THSD4: variants seen among roughly 807,000 people sequenced by gnomAD.
The protein encoded by THSD4 is thrombospondin type 1 domain containing 4.
A neutral mutation model predicts 119.0 loss-of-function variants in THSD4; 69 were observed. The ratio of observed to expected loss-of-function variants is 0.58; its 90% confidence interval spans 0.48 to 0.71. The LOEUF is 0.71. Ranked by LOEUF, THSD4 falls within the 30% of genes least tolerant of loss-of-function variation. THSD4 has a pLI of 0.00. For missense variants in THSD4, 1,393 were observed against 1,391.1 expected, an observed-to-expected ratio of 1.00 and a Z score of -0.02; for synonymous variants, 524 against 540.4, an observed-to-expected ratio of 0.97 and a Z score of 0.42.
At chr15:71,458,104 T>A (rs567212238) in intron 7 of THSD4, among the ~76,000 whole-genome samples, 4 of 152,364 alleles carry the variant, frequency 2.6e-5, no homozygotes, top group Non-Finnish European at 5.9e-5. Flanking sequence ...CATTGCATAT[T>A]TACATTTATA....
intron 2 of THSD4, among the ~76,000 whole-genome samples, chr15:71,152,731 A>C (rs2040736227): frequency 6.6e-6 from 1 of 152,116 alleles, no homozygotes; most frequent in Non-Finnish European, 1.5e-5. Context: ...CAGATGTCCA[A>C]GTTCCAGATT....
intron 4 of THSD4, among the ~76,000 whole-genome samples, chr15:71,228,707 G>A (rs1018794837): frequency 6.6e-6 from 1 of 152,162 alleles, no homozygotes; most frequent in African/African-American, 2.4e-5. Context: ...AGCCCAGCTT[G>A]TAACACTGAG....
At chr15:71,583,490 A>G (rs1402436736) in intron 7 of THSD4, among the ~76,000 whole-genome samples, 1 of 151,546 alleles carries the variant, frequency 6.6e-6, no homozygotes, top group Non-Finnish European at 1.5e-5. Flanking sequence ...GAGGAGCTAA[A>G]GTTTCTAAAG....
At chr15:71,484,885 G>A (rs912215489) in intron 7 of THSD4, among the ~76,000 whole-genome samples, 4 of 152,194 alleles carry the variant, frequency 2.6e-5, no homozygotes, top group Non-Finnish European at 5.9e-5. Flanking sequence ...AATAAAAAAT[G>A]CATTCTGGTT....
chr15:71,153,193 G>C (rs1231043862), intron 2 of THSD4, among the ~76,000 whole-genome samples: 1 of 152,164 alleles, frequency 6.6e-6, no homozygotes, highest in East Asian at 1.9e-4. Context: ...TTGGCTTGGG[G>C]GAGAGTTCCT....
At chr15:71,465,817 C>A (rs916560309) in intron 7 of THSD4, among the ~76,000 whole-genome samples, 1 of 152,142 alleles carries the variant, frequency 6.6e-6, no homozygotes, top group African/African-American at 2.4e-5. Flanking sequence ...CACTTTACAT[C>A]AGTTTTAAAG....
At chr15:71,244,781 T>C (rs1279740022) in intron 5 of THSD4, among the ~76,000 whole-genome samples, 1 of 152,250 alleles carries the variant, frequency 6.6e-6, no homozygotes, top group Non-Finnish European at 1.5e-5. Context: ...CCCTTGTTCC[T>C]GAATATCTGT....
intron 7 of THSD4, among the ~76,000 whole-genome samples, chr15:71,521,192 TTCTC>T (rs1052650323): frequency 2.0e-5 from 3 of 151,934 alleles, no homozygotes; most frequent in African/African-American, 7.3e-5. Flanking sequence ...AGATAATACT[TTCTC>T]TCTCTTTTAA....
chr15:71,254,167 C>T (rs1321127933), intron 5 of THSD4, among the ~76,000 whole-genome samples: 1 of 152,178 alleles, frequency 6.6e-6, no homozygotes, highest in African/African-American at 2.4e-5. Flanking sequence ...AGGAACAGGA[C>T]CTTCAACCAC....
intron 7 of THSD4, among the ~76,000 whole-genome samples, chr15:71,617,574 C>T (rs1241628043): frequency 1.3e-5 from 2 of 152,148 alleles, no homozygotes; most frequent in African/African-American, 4.8e-5. Flanking sequence ...AAACCAAATC[C>T]GTAGCCAAAC....
At chr15:71,256,539 C>A in intron 5 of THSD4, 74 bp from the exon 6 acceptor site, 1 of 1,140,150 alleles carries the variant, frequency 8.8e-7, no homozygotes, top group South Asian at 1.6e-5. Flanking sequence ...GAAAGGTATC[C>A]AGGGTTTGGA....
intron 6 of THSD4, among the ~76,000 whole-genome samples, chr15:71,281,440 C>T (rs1178375618): frequency 6.6e-6 from 1 of 152,218 alleles, no homozygotes. Flanking sequence ...CCTCTATAAA[C>T]ATTCTTGTAT....
chr15:71,468,163 A>G (rs2047526513), intron 7 of THSD4, among the ~76,000 whole-genome samples: 1 of 152,154 alleles, frequency 6.6e-6, no homozygotes, highest in Admixed American at 6.5e-5. Flanking sequence ...TGATGGTTTT[A>G]TAAAGGGGAG....
chr15:71,740,066 T>G (rs568710828), intron 11 of THSD4, among the ~76,000 whole-genome samples: 8 of 152,140 alleles, frequency 5.3e-5, no homozygotes, highest in Non-Finnish European at 8.8e-5. Flanking sequence ...CCATAATGAT[T>G]TGGTAACTGG....
At chr15:71,459,346 G>GTCTCTCTC (rs57397281) in intron 7 of THSD4, among the ~76,000 whole-genome samples, 2 of 120,980 alleles carry the variant, frequency 1.7e-5, no homozygotes, top group African/African-American at 6.0e-5. Flanking sequence ...CTGTCTCTCT[G>GTCTCTCTC]TCTCTCTCTC....
At position 71,693,713 on chromosome 15, in the gene THSD4, G is replaced by A. The variant is rs934734164; in HGVS notation, c.1357+32979G>A. ...TGGGAGATAATTGAATCATGGAGGC[G>A]GTTTCCCCTATGCTGTTCTCATGGT... On this transcript the variant is annotated intron_variant, in intron 8 of 17. Transcript: ENST00000261862. 8.5e-5 allele frequency among the ~76,000 whole-genome samples: 13 copies of A among 152,066 alleles called. No individual in the cohort carries two copies. The East Asian group carries it at 1.3e-3, about 16-fold the overall frequency.
At chr15:71,587,787 T>TAAAAAAAAAAAAAAGAAAAAAAAAAAAAA (rs1207231444) in intron 7 of THSD4, among the ~76,000 whole-genome samples, 1 of 105,554 alleles carries the variant, frequency 9.5e-6, no homozygotes, top group Non-Finnish European at 1.9e-5. Flanking sequence ...AAAAAAAAAT[T>TAAAAAAAAAAAAAAGAAAAAAAAAAAAAA]AAAAAAAAAA....
At chr15:71,672,685 T>G (rs2051557056) in intron 8 of THSD4, among the ~76,000 whole-genome samples, 2 of 152,118 alleles carry the variant, frequency 1.3e-5, no homozygotes, top group African/African-American at 4.8e-5. Flanking sequence ...TTATTGAGAG[T>G]TTTTAGCATG....
At chr15:71,279,118 G>A (rs1040398250) in intron 6 of THSD4, among the ~76,000 whole-genome samples, 1 of 152,208 alleles carries the variant, frequency 6.6e-6, no homozygotes, top group Non-Finnish European at 1.5e-5. Flanking sequence ...TGATCACGTG[G>A]CCTGCCTGTC....
Sources: gnomAD v4.1 joint callset for allele counts (sites outside exome capture counted in the v4.1 genomes callset) on GRCh38, gnomAD v4.1.1 for gene constraint, MANE v1.5 for transcripts, NCBI Gene and HGNC (gene_info 2026-07-23, HGNC 2026-07-21) for gene names.